Variants in OSBPL3 observed in about 807,000 individuals in gnomAD.
OSBPL3 encodes the protein oxysterol binding protein like 3, also known as oxysterol-binding protein-related protein 3.
Under a neutral mutation model 120.1 loss-of-function variants are expected in OSBPL3, and 65 were observed. The observed-to-expected ratio is 0.54, with a 90% CI of 0.44 to 0.67. The LOEUF (loss-of-function observed/expected upper bound fraction) is 0.67. Ranked by LOEUF, OSBPL3 falls within the 30% of genes least tolerant of loss-of-function variation. The probability of loss-of-function intolerance (pLI) is 0.00; values close to 1 mark genes in which losing one functional copy is unlikely to be tolerated. For missense variants in OSBPL3, 1,004 were observed against 1,082.1 expected (o/e 0.93, Z 1.01); for synonymous variants, 416 against 402.6 (o/e 1.03, Z -0.40).
chr7:24,910,315 T>C (rs1230050558), intron 1 of OSBPL3, among the ~76,000 whole-genome samples: 2 of 152,168 alleles, frequency 1.3e-5, no homozygotes, highest in African/African-American at 4.8e-5. Flanking sequence ...TGGAGAGAGA[T>C]GAGTCCATAG....
In OSBPL3 at chr7:24,938,166, C is replaced by T. The variant is rs188789326; in HGVS notation, c.-150+41720G>A. Among the ~76,000 whole-genome samples the T allele has an allele frequency of 2.6e-5, 4 of 152,160 alleles. No homozygotes were observed. Among genetic ancestry groups the T allele is most frequent in the African/African-American group, 9.7e-5 (4 of 41,426 alleles). On this transcript the variant is annotated intron_variant, in intron 1 of 22. Coordinates refer to ENST00000313367, the MANE Select transcript of OSBPL3 (RefSeq NM_015550.4). This position sits in a 1 kb window ranked among gnomAD's most constrained non-coding sequence, Gnocchi z 5.8. The stretch of plus-strand genomic sequence containing the variant: ...AACCTGATGGTATTAGGAGTTGGAG[C>T]CTTTGGGCGGTGATCAAGTCATGAG...
At chr7:24,888,693 C>A (rs141369524) in intron 2 of OSBPL3, among the ~76,000 whole-genome samples, 3 of 152,250 alleles carry the variant, frequency 2.0e-5, no homozygotes, top group Non-Finnish European at 4.4e-5. Context: ...GCTCTTTTAA[C>A]ATAGGTATAT....
At chr7:24,961,558 C>T (rs372164307) in intron 1 of OSBPL3, among the ~76,000 whole-genome samples, 17 of 152,164 alleles carry the variant, frequency 1.1e-4, no homozygotes, top group African/African-American at 3.4e-4. Context: ...AGCTGCCATG[C>T]CCCATCCACC....
Position 24,820,276 on chromosome 7 carries a change from G to T in OSBPL3, c.1885-38C>A. On this transcript the variant is annotated intron_variant, in intron 16 of 22. Transcript: ENST00000313367. This position sits in a 1 kb window ranked among gnomAD's most constrained non-coding sequence, Gnocchi z 4.6. ...AAGGACAGAAAAACAAAAAATGAAT[G>T]AACTTTTGTGTCTCATGAAATCCAT... is the stretch of plus-strand genomic sequence containing the variant. 1 of 1,452,784 alleles carries T rather than the reference G, an allele frequency of 6.9e-7. No homozygotes were observed. Among genetic ancestry groups the T allele is most frequent in the South Asian group, 1.2e-5 (1 of 85,776 alleles). 90.0% of individuals were successfully genotyped at this position (1,452,784 alleles called of 1,614,324 possible).
rs1802421438 is a variant in OSBPL3 at position 24,873,319 on chromosome 7, C to T, written c.97-1250G>A. Among the ~76,000 whole-genome samples the T allele has an allele frequency of 6.6e-6, 1 of 152,210 alleles. No individual in the cohort carries two copies. Among genetic ancestry groups the T allele is most frequent in the Non-Finnish European group, 1.5e-5 (1 of 68,034 alleles). On this transcript the variant is annotated intron_variant, in intron 2 of 22. Transcript: ENST00000313367. The surrounding 1 kb of genome is among the most constrained non-coding windows in gnomAD (Gnocchi z 4.1). ...AGAAACCACACAGGGTCCTGAGTGG[C>T]TCTGGCTCAGTTTCTGTGTTGTCCT...
chr7:24,828,896 C>A (rs1796050247), intron 16 of OSBPL3, among the ~76,000 whole-genome samples: 2 of 152,112 alleles, frequency 1.3e-5, no homozygotes, highest in South Asian at 4.1e-4. Context: ...TTCTAAACTA[C>A]TAACAATAAC....
In OSBPL3 at chr7:24,813,401, G is replaced by A. The variant is rs1584212852; in HGVS notation, c.2172+1658C>T. On this transcript the variant is annotated intron_variant, in intron 19 of 22. Coordinates refer to ENST00000313367, the MANE Select transcript of OSBPL3 (RefSeq NM_015550.4). The surrounding 1 kb of genome is among the most constrained non-coding windows in gnomAD (Gnocchi z 4.5). ...CATGTAAGTGAATGAGAACAAGGTA[G>A]GTGGTAGATATGGGAGTGGAGCATG... Among the ~76,000 whole-genome samples, 1 of 152,224 alleles carries A rather than the reference G, an allele frequency of 6.6e-6. No homozygotes were observed. Among genetic ancestry groups the A allele is most frequent in the Admixed American group, 6.5e-5 (1 of 15,278 alleles).
chr7:24,825,966 T>C (rs1795657014), intron 16 of OSBPL3, among the ~76,000 whole-genome samples: 1 of 152,238 alleles, frequency 6.6e-6, no homozygotes, highest in South Asian at 2.1e-4. Context: ...TAAAGTTTCA[T>C]GTAATTAGGA....
In OSBPL3 at chr7:24,913,686, CCT is replaced by C. The variant is rs1020563674; in HGVS notation, c.-149-21067_-149-21066del. Among the ~76,000 whole-genome samples, 3 of 152,080 alleles carry C rather than the reference CCT, an allele frequency of 2.0e-5. No homozygotes were observed. The highest frequency in any genetic ancestry group is 7.2e-5 in the African/African-American group (3 of 41,398). On this transcript the variant is annotated intron_variant, in intron 1 of 22. Coordinates refer to ENST00000313367, the MANE Select transcript of OSBPL3 (RefSeq NM_015550.4). This position sits in a 1 kb window ranked among gnomAD's most constrained non-coding sequence, Gnocchi z 5.3. ...TTCAGCCCAGACCTCAAAATTTCTC[CCT>C]TATCATTTGGCATTTATCTTCATAA...
At chr7:24,975,573 G>C (rs1221294153) in intron 1 of OSBPL3, among the ~76,000 whole-genome samples, 1 of 152,186 alleles carries the variant, frequency 6.6e-6, no homozygotes, top group Non-Finnish European at 1.5e-5. Flanking sequence ...ACCATGTTTA[G>C]TGATGTGAGG....
Position 24,899,809 on chromosome 7 carries a change from G to A in OSBPL3, c.-149-7188C>T, listed in dbSNP as rs145185222. On this transcript the variant is annotated intron_variant, in intron 1 of 22. Coordinates refer to ENST00000313367, the MANE Select transcript of OSBPL3 (RefSeq NM_015550.4). This position sits in a 1 kb window ranked among gnomAD's most constrained non-coding sequence, Gnocchi z 4.0. The stretch of plus-strand genomic sequence containing the variant: ...AGATCCACCTTCTTCAAAGTCTTCC[G>A]GATTCTTATTTAAGATGCAGATTTT... 6.6e-5 allele frequency among the ~76,000 whole-genome samples: 10 copies of A among 152,220 alleles called. No homozygotes were observed. The East Asian group carries it at 1.7e-3, about 26-fold the overall frequency.
In OSBPL3 at chr7:24,941,300, A is replaced by G. The variant is rs540751549; in HGVS notation, c.-150+38586T>C. 2.4e-3 allele frequency among the ~76,000 whole-genome samples: 368 copies of G among 152,316 alleles called. 2 individuals are homozygous for G. Among genetic ancestry groups the G allele is most frequent in the Middle Eastern group, 0.02 (6 of 294 alleles). On this transcript the variant is annotated intron_variant, in intron 1 of 22. Transcript: ENST00000313367. The stretch of plus-strand genomic sequence containing the variant: ...TCTTATCAATTTAGAAAAACCCTGG[A>G]GGAATAAAATGAGAAAAGTGGAGAT...
At chr7:24,885,227 C>CAAAAA in intron 2 of OSBPL3, among the ~76,000 whole-genome samples, 1 of 112,232 alleles carries the variant, frequency 8.9e-6, no homozygotes, top group East Asian at 2.1e-4. Context: ...GTCTCAAAAA[C>CAAAAA]AAAAAAAAAA....
At chr7:24,917,411 T>TGTA (rs1260202295) in intron 1 of OSBPL3, among the ~76,000 whole-genome samples, 3 of 137,600 alleles carry the variant, frequency 2.2e-5, no homozygotes, top group African/African-American at 8.7e-5. Context: ...CATATATATA[T>TGTA]ATATATATAT....
At position 24,930,631 on chromosome 7, in the gene OSBPL3, A is replaced by T. The variant is rs554786899; in HGVS notation, c.-149-38010T>A. On this transcript the variant is annotated intron_variant, in intron 1 of 22. Transcript: ENST00000313367. This position sits in a 1 kb window ranked among gnomAD's most constrained non-coding sequence, Gnocchi z 4.4. ...GGGGAAATGAAGAATAAAGCCATCA[A>T]TTCAGTTGGTCATTAACCTTTCCAG... Among the ~76,000 whole-genome samples the T allele has an allele frequency of 6.6e-6, 1 of 152,318 alleles. No individual in the cohort carries two copies. The highest frequency in any genetic ancestry group is 1.9e-4 in the East Asian group (1 of 5,170).
intron 2 of OSBPL3, 30 bp downstream of exon 2, chr7:24,892,347 A>T (rs773896425): frequency 6.2e-7 from 1 of 1,603,874 alleles, no homozygotes; most frequent in Non-Finnish European, 8.5e-7. Flanking sequence ...TTACATTTGC[A>T]TATTAAAATT....
chr7:24,901,897 C>T (rs1244420794), intron 1 of OSBPL3, among the ~76,000 whole-genome samples: 1 of 152,216 alleles, frequency 6.6e-6, no homozygotes, highest in Non-Finnish European at 1.5e-5. Context: ...ATAACCATGA[C>T]CTACAATGAG....
intron 2 of OSBPL3, among the ~76,000 whole-genome samples, chr7:24,889,651 C>T (rs189864199): frequency 2.0e-5 from 3 of 152,174 alleles, no homozygotes; most frequent in African/African-American, 7.2e-5. Context: ...CTCCATGGAT[C>T]AGAACCAAAT....
chr7:24,977,715 T>C (rs534670871), intron 1 of OSBPL3, among the ~76,000 whole-genome samples: 1 of 151,980 alleles, frequency 6.6e-6, no homozygotes, highest in African/African-American at 2.4e-5. Context: ...AATTAGCCGG[T>C]CGTGGTGACG....
Sources: allele counts gnomAD v4.1 joint callset (sites outside exome capture counted in the v4.1 genomes callset), GRCh38; gene constraint gnomAD v4.1.1; non-coding constraint Gnocchi (gnomAD v3.1); transcripts MANE v1.5; gene names NCBI Gene and HGNC (gene_info 2026-07-23, HGNC 2026-07-21).